Variants in DEPDC1B observed in about 807,000 individuals in gnomAD.
DEPDC1B encodes the protein DEP domain-containing protein 1B.
Under a neutral mutation model 66.5 loss-of-function variants are expected in DEPDC1B, and 51 were observed. The ratio of observed to expected loss-of-function variants is 0.77; its 90% CI spans 0.61 to 0.97. The LOEUF (loss-of-function observed/expected upper bound fraction) is 0.97. Ranked by LOEUF, DEPDC1B falls within the 50% of genes least tolerant of loss-of-function variation. The probability of loss-of-function intolerance (pLI) is 0.00; values close to 1 mark genes in which losing one functional copy is unlikely to be tolerated. For synonymous variants in DEPDC1B, 226 were observed against 223.6 expected (o/e 1.01, Z -0.10); for missense variants, 552 against 637.1 (o/e 0.87, Z 1.44).
chr5:60,647,323 G>A (rs1398904358), intron 3 of DEPDC1B, 75 bp downstream of exon 3: 14 of 1,494,792 alleles, frequency 9.4e-6, no homozygotes, highest in African/African-American at 2.9e-5. Flanking sequence ...AAGGACCACA[G>A]AAAGACCAAG....
In DEPDC1B at chr5:60,700,084, G is replaced by A. The variant is rs562961386; in HGVS notation, c.10C>T (p.Arg4Cys). The A allele has an allele frequency of 1.8e-4, 281 of 1,556,936 alleles. 2 individuals are homozygous for A. The South Asian group carries it at 3.1e-3, about 17-fold the overall frequency. The change falls in exon 1 of 11, where the codon CGC becomes TGC. Residue 4 changes from arginine to cysteine, a missense_variant. Transcript: ENST00000265036. MEH[R>C]IVGPGPYRAT... ...CGGTACGGCCCGGGCCCCACGATGCGATGCTCCATGGCGCGTAGGCAGCAG... is the reference window on the plus strand; with the variant it reads ...CGGTACGGCCCGGGCCCCACGATGCAATGCTCCATGGCGCGTAGGCAGCAG...
chr5:60,662,303 G>A (rs1442077531), intron 2 of DEPDC1B, among the ~76,000 whole-genome samples: 1 of 152,090 alleles, frequency 6.6e-6, no homozygotes, highest in Non-Finnish European at 1.5e-5. Context: ...CGGGAGAATG[G>A]CGTGAACCCG....
At chr5:60,699,566 C>T (rs6449483) in intron 1 of DEPDC1B, among the ~76,000 whole-genome samples, 86,240 of 151,812 alleles carry the variant, frequency 0.57, 24,810 homozygotes, top group East Asian at 0.77. Context: ...GCCGGAAATG[C>T]GGCCAGCGCG....
chr5:60,597,013 G>A lies in DEPDC1B; in HGVS notation c.*740C>T, dbSNP rs1752109332. ...TAGTCTCATTTTATTTAACCCATTTGCATTTGACTTAGAATCAGAGGTCTA... is the reference window on the plus strand; with the variant it reads ...TAGTCTCATTTTATTTAACCCATTTACATTTGACTTAGAATCAGAGGTCTA... On this transcript the variant is annotated 3_prime_UTR_variant, in exon 11 of 11. Transcript: ENST00000265036. The A allele has an allele frequency of 6.6e-6, 1 of 152,522 alleles. No individual in the cohort carries two copies. The highest frequency in any genetic ancestry group is 1.5e-5 in the Non-Finnish European group (1 of 68,000). The allele number at this position is 152,522 out of a possible 1,614,324, so 9.4% of individuals were successfully genotyped here. A position where few individuals can be genotyped will look rare whatever the true frequency, so the allele number is the denominator to read the frequency against.
chr5:60,691,935 AG>A (rs2112044312), intron 1 of DEPDC1B, among the ~76,000 whole-genome samples: 1 of 152,348 alleles, frequency 6.6e-6, no homozygotes, highest in African/African-American at 2.4e-5. Flanking sequence ...TCAACCTAAA[AG>A]TCCATCAACA....
At chr5:60,653,586 T>C (rs934782605) in intron 2 of DEPDC1B, among the ~76,000 whole-genome samples, 1 of 150,818 alleles carries the variant, frequency 6.6e-6, no homozygotes. Context: ...TCTTTTGCTA[T>C]GCAGAAGCTT....
chr5:60,691,563 C>A (rs966630358), intron 1 of DEPDC1B, among the ~76,000 whole-genome samples: 2 of 151,248 alleles, frequency 1.3e-5, no homozygotes, highest in Non-Finnish European at 2.9e-5. Context: ...AGAAACAAGG[C>A]AAGCCACTGA....
At chr5:60,644,645 A>G in intron 5 of DEPDC1B, 100 bp downstream of exon 5, 5 of 1,004,056 alleles carry the variant, frequency 5.0e-6, no homozygotes, top group Non-Finnish European at 7.0e-6. Flanking sequence ...TGAAGGAACA[A>G]ACTTATTCAG....
chr5:60,644,964 A>G (rs2061252), intron 4 of DEPDC1B, 89 bp from the exon 5 acceptor site: 33,362 of 1,079,182 alleles, frequency 0.031, 1,863 homozygotes, highest in African/African-American at 0.21. Context: ...AATCTTTATA[A>G]TGCTTTATTT....
Position 60,641,484 on chromosome 5 carries a change from C to T in DEPDC1B, c.757+1328G>A, listed in dbSNP as rs185880594. On this transcript the variant is annotated intron_variant, in intron 6 of 10. Transcript: ENST00000265036. ...GGACTACAGGCGCCCGCCACCAAGC[C>T]CAGCTAATTTTTTTTGTATTTTTAG... 2.2e-3 allele frequency among the ~76,000 whole-genome samples: 329 copies of T among 152,008 alleles called. 2 individuals are homozygous for T. Among genetic ancestry groups the T allele is most frequent in the African/African-American group, 7.6e-3 (317 of 41,468 alleles).
intron 7 of DEPDC1B, among the ~76,000 whole-genome samples, chr5:60,617,159 T>TA (rs1752576954): frequency 6.6e-6 from 1 of 152,086 alleles, no homozygotes; most frequent in Admixed American, 6.6e-5. Flanking sequence ...GAAAGGAACA[T>TA]ACGGTACCAG....
chr5:60,615,328 T>C (rs1476984441), intron 7 of DEPDC1B, among the ~76,000 whole-genome samples: 1 of 151,964 alleles, frequency 6.6e-6, no homozygotes, highest in Non-Finnish European at 1.5e-5. Context: ...ACACCAAGCG[T>C]GAGCCAAAGA....
At chr5:60,691,157 G>A (rs1273134844) in intron 1 of DEPDC1B, among the ~76,000 whole-genome samples, 2 of 151,674 alleles carry the variant, frequency 1.3e-5, no homozygotes, top group Non-Finnish European at 2.9e-5. Context: ...GGGTTCAAGC[G>A]ATTCTCCTGC....
At chr5:60,619,157 T>G (rs1453026513) in intron 7 of DEPDC1B, among the ~76,000 whole-genome samples, 4 of 152,162 alleles carry the variant, frequency 2.6e-5, no homozygotes, top group African/African-American at 7.2e-5. Context: ...TAAGAGCTAT[T>G]TATGACAAAC....
rs1180593314 is a variant in DEPDC1B at position 60,638,856 on chromosome 5, G to GT, written c.791dup (p.Tyr264Ter). 6 of 1,612,638 alleles carry GT rather than the reference G, an allele frequency of 3.7e-6. No individual in the cohort carries two copies. The highest frequency in any genetic ancestry group is 5.1e-6 in the Non-Finnish European group (6 of 1,179,530). Residue 264 changes from tyrosine (Y) to a stop codon, truncating the protein, a stop_gained and frameshift_variant, in exon 7 of 11, where the codon TAC (tyrosine) becomes TAAC (stop). Coordinates refer to ENST00000265036, the MANE Select transcript of DEPDC1B (RefSeq NM_018369.3). LOFTEE classifies it high-confidence loss of function. The stretch of plus-strand genomic sequence containing the variant: ...TAAAGACATCTTTTTCAAATCCCAA[G>GT]TACATAGGCTGCTTCAAATCAGAAC... The part of the protein sequence containing the change: ...PNCSDLKQPM[Y>*]LGFEKDVFKT...
chr5:60,668,006 G>C (rs1392678017), intron 2 of DEPDC1B, among the ~76,000 whole-genome samples: 1 of 88,076 alleles, frequency 1.1e-5, no homozygotes, highest in South Asian at 3.4e-4. Context: ...TATATAAAAT[G>C]GATATTTTAT....
At chr5:60,657,994 CT>C (rs1368960685) in intron 2 of DEPDC1B, among the ~76,000 whole-genome samples, 1 of 152,066 alleles carries the variant, frequency 6.6e-6, no homozygotes, top group Non-Finnish European at 1.5e-5. Flanking sequence ...TTTTTTAATT[CT>C]TTTTTTCTTT....
At chr5:60,686,260 T>C (rs1584102814) in intron 2 of DEPDC1B, among the ~76,000 whole-genome samples, 1 of 152,336 alleles carries the variant, frequency 6.6e-6, no homozygotes, top group East Asian at 1.9e-4. Flanking sequence ...TCCGTGTAGA[T>C]AACTCAACAA....
At chr5:60,667,734 A>T (rs967356972) in intron 2 of DEPDC1B, among the ~76,000 whole-genome samples, 3 of 132,726 alleles carry the variant, frequency 2.3e-5, no homozygotes, top group South Asian at 2.4e-4. Flanking sequence ...CATATATATA[A>T]AAAATGGATA....
Sources: gnomAD v4.1 joint callset for allele counts (sites outside exome capture counted in the v4.1 genomes callset) on GRCh38, gnomAD v4.1.1 for gene constraint, MANE v1.5 for transcripts, NCBI Gene and HGNC (gene_info 2026-07-23, HGNC 2026-07-21) for gene names.